PIBF1: variants seen among roughly 807,000 people sequenced by gnomAD.
PIBF1 encodes the protein progesterone-induced-blocking factor 1.
PIBF1 carries 90 observed loss-of-function variants against 112.5 expected under a neutral mutation model. The observed-to-expected ratio is 0.80, with a 90% CI of 0.67 to 0.95. PIBF1 has a LOEUF of 0.95. PIBF1 is among the 40% of genes least tolerant of loss of function. PIBF1 has a pLI of 0.00. For missense variants in PIBF1, 915 were observed against 852.3 expected (o/e 1.07, Z -0.92); for synonymous variants, 301 against 288.6 (o/e 1.04, Z -0.44).
intron 16 of PIBF1, among the ~76,000 whole-genome samples, chr13:72,996,087 C>CT (rs1555331035): frequency 1.0e-4 from 1 of 9,778 alleles, no homozygotes; most frequent in Non-Finnish European, 2.0e-4. Context: ...AAAAAAAAAG[C>CT]GGGGGGGGGG....
chr13:72,968,858 T>G (rs1310982070), intron 15 of PIBF1, among the ~76,000 whole-genome samples: 1 of 151,718 alleles, frequency 6.6e-6, no homozygotes, highest in African/African-American at 2.4e-5. Context: ...GGCAAAACCA[T>G]GTTTGGTTTT....
At chr13:72,819,623 T>C (rs1248160791) in intron 5 of PIBF1, among the ~76,000 whole-genome samples, 1 of 152,076 alleles carries the variant, frequency 6.6e-6, no homozygotes, top group Admixed American at 6.6e-5. Context: ...CCTCAGTTTT[T>C]TTCATCTGTG....
At chr13:72,909,587 C>G (rs1221355378) in intron 12 of PIBF1, among the ~76,000 whole-genome samples, 1 of 151,718 alleles carries the variant, frequency 6.6e-6, no homozygotes, top group Non-Finnish European at 1.5e-5. Context: ...CTCTGCCTCC[C>G]GGTTTCAAGC....
At chr13:72,836,228 G>T (rs920575289) in intron 9 of PIBF1, 24 of 358,392 alleles carry the variant, frequency 6.7e-5, no homozygotes, top group South Asian at 5.3e-4. Context: ...TTCAATGGCA[G>T]ATATTTTTAT....
Position 73,010,806 on chromosome 13 carries a change from T to TTCTC in PIBF1, c.2224-5062_2224-5061insCTCT, listed in dbSNP as rs1203830644. ...AAAGCTGAGCTGGAAAATCATTAAC[T>TTCTC]TTTCTTTTTTTTTTTTTTTTTTTTT... On this transcript the variant is annotated intron_variant, in intron 17 of 17. Coordinates refer to ENST00000326291, the MANE Select transcript of PIBF1 (RefSeq NM_006346.4). Among the ~76,000 whole-genome samples, 30 of 122,410 alleles carry TTCTC rather than the reference T, an allele frequency of 2.5e-4. 1 individual carries two copies. The highest frequency in any genetic ancestry group is 1.2e-3 in the East Asian group (5 of 4,130). The allele number at this position is 122,410 out of a possible 152,430, so 80.3% of individuals were successfully genotyped here.
chr13:72,976,633 A>G (rs1208209758), intron 16 of PIBF1, among the ~76,000 whole-genome samples: 1 of 152,222 alleles, frequency 6.6e-6, no homozygotes, highest in Non-Finnish European at 1.5e-5. Context: ...AATGTTATTA[A>G]TCATTTTCTA....
chr13:72,898,682 CA>C (rs202190689), intron 11 of PIBF1, among the ~76,000 whole-genome samples: 5,811 of 120,064 alleles, frequency 0.048, 119 homozygotes, highest in African/African-American at 0.076. Flanking sequence ...ACTAAAAATG[CA>C]AAAAAAAAAA....
chr13:72,850,462 C>T lies in PIBF1; in HGVS notation c.1224-3595C>T, dbSNP rs887511372. ...CTAATCATACCTCCTTTCACAAGCC[C>T]TGATGTTAGCTTGTTCTAGGTTTTA... On this transcript the variant is annotated intron_variant, in intron 9 of 17. Coordinates refer to ENST00000326291, the MANE Select transcript of PIBF1 (RefSeq NM_006346.4). 2.0e-5 allele frequency among the ~76,000 whole-genome samples: 3 copies of T among 152,190 alleles called. No individual in the cohort carries two copies. The South Asian group carries it at 6.2e-4, about 31-fold the overall frequency.
intron 5 of PIBF1, among the ~76,000 whole-genome samples, chr13:72,810,946 C>T (rs1240152724): frequency 6.6e-6 from 1 of 151,920 alleles, no homozygotes; most frequent in Non-Finnish European, 1.5e-5. Context: ...AAGCTCCGCC[C>T]CCCAGGTTCA....
chr13:72,974,050 A>G (rs2042963276), intron 16 of PIBF1: 3 of 242,332 alleles, frequency 1.2e-5, no homozygotes, highest in South Asian at 3.5e-4. Context: ...TCATAAAATT[A>G]TTTTCTTTTC....
chr13:72,884,823 T>A (rs2039780307), intron 10 of PIBF1, among the ~76,000 whole-genome samples: 1 of 152,156 alleles, frequency 6.6e-6, no homozygotes, highest in Admixed American at 6.6e-5. Flanking sequence ...CAAGATAGAA[T>A]TTAACAGAAA....
intron 13 of PIBF1, among the ~76,000 whole-genome samples, chr13:72,925,920 T>A (rs1319201580): frequency 2.0e-5 from 3 of 152,174 alleles, no homozygotes; most frequent in Admixed American, 1.3e-4. Context: ...AAGCCCAGAA[T>A]TTTAAAATTT....
At chr13:72,785,580 T>C (rs1416527224) in intron 2 of PIBF1, among the ~76,000 whole-genome samples, 1 of 152,230 alleles carries the variant, frequency 6.6e-6, no homozygotes, top group Non-Finnish European at 1.5e-5. Context: ...CACTTTCTTT[T>C]AGGTACCCTA....
At chr13:72,896,225 G>A (rs540939321) in intron 11 of PIBF1, among the ~76,000 whole-genome samples, 3 of 152,056 alleles carry the variant, frequency 2.0e-5, no homozygotes, top group Non-Finnish European at 2.9e-5. Flanking sequence ...TTTGGCTCAC[G>A]GGAAGCCACA....
intron 12 of PIBF1, among the ~76,000 whole-genome samples, chr13:72,913,593 C>T (rs1257347936): frequency 1.3e-5 from 2 of 152,054 alleles, no homozygotes; most frequent in African/African-American, 4.8e-5. Context: ...GCCGGGGCAA[C>T]CTGGCAAGAC....
intron 14 of PIBF1, among the ~76,000 whole-genome samples, chr13:72,957,121 A>G (rs915908716): frequency 2.0e-5 from 3 of 152,224 alleles, no homozygotes; most frequent in East Asian, 1.9e-4. Flanking sequence ...TTAAAGAACT[A>G]AAAGTAGATC....
chr13:72,836,724 T>C (rs930517255), intron 9 of PIBF1, among the ~76,000 whole-genome samples: 3 of 152,210 alleles, frequency 2.0e-5, no homozygotes, highest in Non-Finnish European at 2.9e-5. Flanking sequence ...AGAGTAGATA[T>C]ACAATTTATG....
intron 10 of PIBF1, among the ~76,000 whole-genome samples, chr13:72,886,045 C>T (rs2039836836): frequency 6.6e-6 from 1 of 151,910 alleles, no homozygotes; most frequent in African/African-American, 2.4e-5. Context: ...CCCTTTTTGC[C>T]TTTTACAATA....
chr13:72,785,778 A>G (rs1297065834), intron 2 of PIBF1, among the ~76,000 whole-genome samples: 1 of 152,204 alleles, frequency 6.6e-6, no homozygotes. Context: ...CACTCAGTCA[A>G]CAAGTATTTT....
Sources: gnomAD v4.1 joint callset for allele counts (sites outside exome capture counted in the v4.1 genomes callset) on GRCh38, gnomAD v4.1.1 for gene constraint, MANE v1.5 for transcripts, NCBI Gene and HGNC (gene_info 2026-07-23, HGNC 2026-07-21) for gene names.